KIFAP3: variants seen among roughly 807,000 people sequenced by gnomAD.
KIFAP3 encodes kinesin-associated protein 3.
KIFAP3 carries 68 observed loss-of-function variants against 106.5 expected under a neutral mutation model. That is an observed-to-expected ratio of 0.64 (90% CI 0.53 to 0.78). The LOEUF is 0.78. KIFAP3 is among the 30% of genes least tolerant of loss of function. KIFAP3 has a pLI of 0.00. For missense variants in KIFAP3, 780 were observed against 941.8 expected, an observed-to-expected ratio of 0.83 and a Z score of 2.25; for synonymous variants, 320 against 311.5, an observed-to-expected ratio of 1.03 and a Z score of -0.29.
chr1:170,038,697 T>C (rs1557856089), intron 4 of KIFAP3, among the ~76,000 whole-genome samples: 1 of 152,260 alleles, frequency 6.6e-6, no homozygotes, highest in African/African-American at 2.4e-5. Context: ...AAAATATTTG[T>C]ATCTACTACA....
chr1:169,993,672 GATT>G (rs1667222089), intron 10 of KIFAP3, among the ~76,000 whole-genome samples: 3 of 52 alleles, frequency 0.058, 1 homozygote, highest in Non-Finnish European at 0.077. Context: ...AGTGAGCCCA[GATT>G]GTGCCACTGA....
intron 16 of KIFAP3, among the ~76,000 whole-genome samples, chr1:169,976,132 G>A (rs1208698236): frequency 1.3e-5 from 2 of 152,178 alleles, no homozygotes; most frequent in East Asian, 3.9e-4. Flanking sequence ...CTGTGTACAG[G>A]TACCTGGTAG....
chr1:170,007,617 A>T (rs1490910439), intron 10 of KIFAP3, among the ~76,000 whole-genome samples: 1 of 152,158 alleles, frequency 6.6e-6, no homozygotes, highest in Non-Finnish European at 1.5e-5. Flanking sequence ...ACGAAATAAG[A>T]GAGGGCACAA....
In KIFAP3 at chr1:169,921,770, T is replaced by C; in HGVS notation, c.2285A>G (p.Asp762Gly). 1 of 1,613,356 alleles carries C rather than the reference T, an allele frequency of 6.2e-7. No individual in the cohort carries two copies. Among genetic ancestry groups the C allele is most frequent in the Non-Finnish European group, 8.5e-7 (1 of 1,179,422 alleles). ...AATGCCAACTGGTTGGCCAAAGCCA[T>C]CCATTCCAAGGCTAAAAAAGAAAAA... ...QHSFPGSLGMDGFGQPVGILG... is the reference protein window; with the variant it reads ...QHSFPGSLGMGGFGQPVGILG... The change falls in exon 20 of 20, where the codon GAT becomes GGT. Residue 762 changes from aspartate to glycine, a missense_variant. Transcript: ENST00000361580.
chr1:170,005,692 C>T (rs1168367378), intron 10 of KIFAP3, among the ~76,000 whole-genome samples: 1 of 121,096 alleles, frequency 8.3e-6, no homozygotes, highest in Non-Finnish European at 1.6e-5. Flanking sequence ...GAACATCACA[C>T]ACCGGGAACT....
At chr1:169,953,978 T>C (rs1418865614) in intron 19 of KIFAP3, 33 bp downstream of exon 19, 6 of 1,440,438 alleles carry the variant, frequency 4.2e-6, no homozygotes, top group Admixed American at 3.3e-5. Flanking sequence ...CAACAGATAC[T>C]ACACATTAGA....
chr1:170,075,384 G>A (rs1263481526), upstream of KIFAP3, among the ~76,000 whole-genome samples: 1 of 152,190 alleles, frequency 6.6e-6, no homozygotes, highest in African/African-American at 2.4e-5. Flanking sequence ...AGGGCTGGCT[G>A]TGTGCCAAAC....
chr1:169,949,081 T>C lies in KIFAP3; in HGVS notation c.2273+4930A>G, dbSNP rs1158523433. Among the ~76,000 whole-genome samples the C allele has an allele frequency of 2.0e-5, 3 of 151,876 alleles. No homozygotes were observed. The East Asian group carries it at 5.8e-4, about 29-fold the overall frequency. ...TATTTCTTATATTTTAAAGAAATAATTTTTTAGTTCTCCTCAGTATGATTT... is the reference window on the plus strand; with the variant it reads ...TATTTCTTATATTTTAAAGAAATAACTTTTTAGTTCTCCTCAGTATGATTT... On this transcript the variant is annotated intron_variant, in intron 19 of 19. Coordinates refer to ENST00000361580, the MANE Select transcript of KIFAP3 (RefSeq NM_014970.4).
chr1:169,928,331 C>T (rs1663260300), intron 19 of KIFAP3, among the ~76,000 whole-genome samples: 1 of 152,060 alleles, frequency 6.6e-6, no homozygotes, highest in African/African-American at 2.4e-5. Context: ...AACTCCTGAC[C>T]TCATGATCCA....
In KIFAP3 at chr1:169,954,032, CCAA is replaced by C. The variant is rs758247754; in HGVS notation, c.2249_2251del (p.Val750del). ...TTACCTGCCAGGAAATGAATGCTGC[CCAA>C]CAACATCTCCATTTTGAAGGTGGTA... is the stretch of plus-strand genomic sequence containing the variant. On this transcript the variant is annotated inframe_deletion, in exon 19 of 20. Transcript: ENST00000361580. The C allele has an allele frequency of 2.5e-6, 4 of 1,612,882 alleles. No homozygotes were observed. Among genetic ancestry groups the C allele is most frequent in the Admixed American group, 1.7e-5 (1 of 59,976 alleles).
intron 1 of KIFAP3, among the ~76,000 whole-genome samples, chr1:170,072,466 G>C (rs969558360): frequency 1.1e-4 from 17 of 152,114 alleles, no homozygotes; most frequent in Admixed American, 1.1e-3. Flanking sequence ...AAAGCTTTCT[G>C]GAAAAAGTGG....
At chr1:170,029,179 A>C (rs1669270204) in intron 8 of KIFAP3, among the ~76,000 whole-genome samples, 1 of 152,172 alleles carries the variant, frequency 6.6e-6, no homozygotes, top group East Asian at 1.9e-4. Flanking sequence ...CAATTCATCA[A>C]TAGCACATCT....
intron 19 of KIFAP3, among the ~76,000 whole-genome samples, chr1:169,944,575 G>T (rs1368944787): frequency 6.6e-6 from 1 of 152,118 alleles, no homozygotes; most frequent in East Asian, 1.9e-4. Flanking sequence ...CTGCCATTCA[G>T]GTCCCAGGTT....
At chr1:170,010,202 G>A (rs1020303761) in intron 10 of KIFAP3, among the ~76,000 whole-genome samples, 2 of 151,734 alleles carry the variant, frequency 1.3e-5, no homozygotes, top group Non-Finnish European at 2.9e-5. Context: ...TTTAAGAGAA[G>A]GAAAACAAAG....
At chr1:170,056,076 A>G (rs917200002) in intron 1 of KIFAP3, among the ~76,000 whole-genome samples, 2 of 152,004 alleles carry the variant, frequency 1.3e-5, no homozygotes, top group African/African-American at 4.8e-5. Flanking sequence ...CCACTGCACT[A>G]CAGCCTGGGC....
At chr1:170,015,192 A>C (rs538581115) in intron 10 of KIFAP3, among the ~76,000 whole-genome samples, 1 of 152,342 alleles carries the variant, frequency 6.6e-6, no homozygotes, top group Admixed American at 6.5e-5. Context: ...GTTACAAGGC[A>C]ATTATTTAAT....
At chr1:169,921,904 G>T in intron 19 of KIFAP3, 123 bp from the exon 20 acceptor site, 1 of 628,678 alleles carries the variant, frequency 1.6e-6, no homozygotes, top group Non-Finnish European at 2.6e-6. Context: ...GATTTAGGTG[G>T]ATATCATTAA....
intron 19 of KIFAP3, among the ~76,000 whole-genome samples, chr1:169,936,644 T>TTC (rs1173602811): frequency 6.6e-6 from 1 of 151,758 alleles, no homozygotes; most frequent in African/African-American, 2.4e-5. Context: ...AAAATTCACA[T>TTC]TCTCTAAATT....
chr1:170,062,944 T>C (rs1354167865), intron 1 of KIFAP3, among the ~76,000 whole-genome samples: 1 of 152,202 alleles, frequency 6.6e-6, no homozygotes, highest in East Asian at 1.9e-4. Context: ...AAACCACCTT[T>C]GCAAAAATTA....
Sources: gnomAD v4.1 joint callset for allele counts (sites outside exome capture counted in the v4.1 genomes callset) on GRCh38, gnomAD v4.1.1 for gene constraint, MANE v1.5 for transcripts, NCBI Gene and HGNC (gene_info 2026-07-23, HGNC 2026-07-21) for gene names.